The following RALGPS1 variants were observed in gnomAD, a reference collection of about 807,000 sequenced individuals.
The protein encoded by RALGPS1 is ras-specific guanine nucleotide-releasing factor RalGPS1.
RALGPS1 carries 19 observed loss-of-function variants against 78.8 expected under a neutral mutation model. That is an observed-to-expected ratio of 0.24 (90% CI 0.17 to 0.35). The LOEUF (loss-of-function observed/expected upper bound fraction) is 0.35. Among genes scored for constraint, RALGPS1 ranks in the 10% least tolerant of loss-of-function variants. The pLI is 1.00. For synonymous variants in RALGPS1, 228 were observed against 256.3 expected (o/e 0.89, Z 1.06); for missense variants, 454 against 688.3 (o/e 0.66, Z 3.81).
intron 1 of RALGPS1, among the ~76,000 whole-genome samples, chr9:126,957,369 C>T (rs1252241578): frequency 6.6e-6 from 1 of 151,978 alleles, no homozygotes; most frequent in African/African-American, 2.4e-5. Flanking sequence ...AGTTTGAGCT[C>T]CATGTCTGGG....
chr9:127,188,997 CAAAAAAAAAAAAAAAAAAAAA>C (rs543909572), intron 11 of RALGPS1, among the ~76,000 whole-genome samples: 2 of 56,826 alleles, frequency 3.5e-5, no homozygotes, highest in African/African-American at 1.5e-4. Context: ...AAGACTGTCT[CAAAAAAAAAAAAAAAAAAAAA>C]AAAAAAAAAC....
At chr9:127,182,717 C>A (rs2060354880) in intron 11 of RALGPS1, among the ~76,000 whole-genome samples, 1 of 152,124 alleles carries the variant, frequency 6.6e-6, no homozygotes, top group South Asian at 2.1e-4. Context: ...GCGTGAGTCA[C>A]CATGCCCAGC....
intron 1 of RALGPS1, among the ~76,000 whole-genome samples, chr9:126,950,825 C>A (rs915199889): frequency 6.8e-6 from 1 of 146,356 alleles, no homozygotes; most frequent in African/African-American, 2.5e-5. Context: ...CAGAGCAGAA[C>A]TGAAGGAAAT....
At chr9:127,010,799 G>A (rs1012088003) in intron 4 of RALGPS1, among the ~76,000 whole-genome samples, 12 of 152,234 alleles carry the variant, frequency 7.9e-5, no homozygotes, top group Non-Finnish European at 1.5e-4. Context: ...ACTTGGGTCA[G>A]ATGTGGGGAC....
intron 8 of RALGPS1, among the ~76,000 whole-genome samples, chr9:127,151,089 C>T (rs1411739817): frequency 6.6e-6 from 1 of 151,874 alleles, no homozygotes; most frequent in African/African-American, 2.4e-5. Flanking sequence ...GAAGCTAAGG[C>T]AGGGGAATTG....
intron 3 of RALGPS1, among the ~76,000 whole-genome samples, chr9:126,974,121 G>A (rs2040381545): frequency 6.6e-6 from 1 of 152,182 alleles, no homozygotes; most frequent in African/African-American, 2.4e-5. Context: ...TGATCCGCCA[G>A]CTTCAGCCTC....
intron 8 of RALGPS1, among the ~76,000 whole-genome samples, chr9:127,140,915 A>G (rs891757731): frequency 2.0e-5 from 3 of 152,190 alleles, no homozygotes; most frequent in African/African-American, 7.2e-5. Context: ...TGGCAGATCA[A>G]TAAGGGGGCA....
chr9:127,024,230 A>T (rs1302707850), intron 4 of RALGPS1, among the ~76,000 whole-genome samples: 1 of 151,902 alleles, frequency 6.6e-6, no homozygotes, highest in East Asian at 1.9e-4. Flanking sequence ...ATCTACTAAA[A>T]ATTATTTTTT....
At chr9:127,109,051 C>T (rs1381589865) in intron 8 of RALGPS1, among the ~76,000 whole-genome samples, 5 of 152,232 alleles carry the variant, frequency 3.3e-5, no homozygotes, top group Non-Finnish European at 7.3e-5. Context: ...CCAGAGCCAG[C>T]TCCAATGCCC....
chr9:127,089,992 C>T (rs143861896), intron 8 of RALGPS1, among the ~76,000 whole-genome samples: 327 of 152,210 alleles, frequency 2.1e-3, no homozygotes, highest in African/African-American at 7.6e-3. Flanking sequence ...AGCAGGTGGC[C>T]GAGGCCGTGG....
At chr9:127,115,189 T>TATC (rs2055273860) in intron 8 of RALGPS1, among the ~76,000 whole-genome samples, 1 of 152,036 alleles carries the variant, frequency 6.6e-6, no homozygotes. Flanking sequence ...TAATTATTAT[T>TATC]ATTATTATTA....
chr9:126,941,956 G>T (rs935370677), intron 1 of RALGPS1, among the ~76,000 whole-genome samples: 47 of 152,102 alleles, frequency 3.1e-4, no homozygotes, highest in Non-Finnish European at 5.9e-4. Flanking sequence ...TGAACTCTGG[G>T]CTTAGTGCTT....
chr9:126,958,142 A>AAAATATATATATATATAT (rs113413659), intron 1 of RALGPS1, among the ~76,000 whole-genome samples: 3 of 77,084 alleles, frequency 3.9e-5, no homozygotes, highest in Non-Finnish European at 8.3e-5. Context: ...AAAAAAAAAA[A>AAAATATATATATATATAT]ATATATATAT....
chr9:127,002,161 A>C (rs537109596), intron 4 of RALGPS1, among the ~76,000 whole-genome samples: 10 of 152,316 alleles, frequency 6.6e-5, no homozygotes, highest in African/African-American at 2.2e-4. Context: ...TGTAACCATG[A>C]TTCTATCACC....
chr9:127,200,996 C>T (rs927135355), intron 14 of RALGPS1, among the ~76,000 whole-genome samples: 3 of 152,242 alleles, frequency 2.0e-5, no homozygotes, highest in Non-Finnish European at 4.4e-5. Context: ...CCCTGCCAGA[C>T]ACCACACGAG....
At chr9:127,020,675 A>G (rs1243945489) in intron 4 of RALGPS1, among the ~76,000 whole-genome samples, 2 of 152,240 alleles carry the variant, frequency 1.3e-5, no homozygotes, top group Non-Finnish European at 2.9e-5. Context: ...AACCACAGCT[A>G]TAGTATGAGC....
chr9:126,985,609 A>G (rs1471678788), intron 4 of RALGPS1, among the ~76,000 whole-genome samples: 1 of 152,236 alleles, frequency 6.6e-6, no homozygotes, highest in Non-Finnish European at 1.5e-5. Context: ...AAAAATAATA[A>G]TACGAATATT....
intron 4 of RALGPS1, among the ~76,000 whole-genome samples, chr9:127,003,498 A>C (rs2043543022): frequency 1.3e-5 from 2 of 152,178 alleles, no homozygotes; most frequent in Admixed American, 6.5e-5. Flanking sequence ...TCAAAACCAC[A>C]ATGAGATACC....
intron 8 of RALGPS1, among the ~76,000 whole-genome samples, chr9:127,124,605 A>G (rs1359732470): frequency 6.6e-6 from 1 of 152,218 alleles, no homozygotes; most frequent in African/African-American, 2.4e-5. Context: ...GTTACACAGC[A>G]TTAGTAACTG....
Sources: gnomAD v4.1 joint callset for allele counts (sites outside exome capture counted in the v4.1 genomes callset) on GRCh38, gnomAD v4.1.1 for gene constraint, MANE v1.5 for transcripts, NCBI Gene and HGNC (gene_info 2026-07-23, HGNC 2026-07-21) for gene names.